BCL7C: variants seen among roughly 807,000 people sequenced by gnomAD.
BCL7C encodes the protein B-cell CLL/lymphoma 7 protein family member C.
In BCL7C, 8 loss-of-function variants were observed where a neutral mutation model predicts 26.2. The ratio of observed to expected loss-of-function variants is 0.30; its 90% CI spans 0.18 to 0.55. The LOEUF is 0.55. Among genes scored for constraint, BCL7C ranks in the 20% least tolerant of loss-of-function variants. The probability of loss-of-function intolerance (pLI) is 0.93; values close to 1 mark genes in which losing one functional copy is unlikely to be tolerated. For missense variants in BCL7C, 262 were observed against 298.5 expected (o/e 0.88, Z 0.90); for synonymous variants, 90 against 116.5 (o/e 0.77, Z 1.47).
At chr16:30,879,689 C>CCAAAAAAAAAAAAAA (rs2055008131) in intron 5 of BCL7C, among the ~76,000 whole-genome samples, 1 of 29,406 alleles carries the variant, frequency 3.4e-5, no homozygotes, top group Non-Finnish European at 5.9e-5. Flanking sequence ...CCCTTCTCTA[C>CCAAAAAAAAAAAAAA]AAAAAAAAAA....
exon 6 of BCL7C, chr16:30,835,072 G>C (rs902043245): frequency 6.5e-7 from 1 of 1,547,950 alleles, no homozygotes; most frequent in Non-Finnish European, 8.7e-7. Context: ...GCCCCTCCTG[G>C]GCAGGAGCCT....
intron 5 of BCL7C, among the ~76,000 whole-genome samples, chr16:30,858,589 C>A (rs2054744002): frequency 6.6e-6 from 1 of 152,176 alleles, no homozygotes; most frequent in African/African-American, 2.4e-5. Context: ...CCTGTGGTTA[C>A]TTCCTCAATG....
At chr16:30,858,033 C>A (rs1040215021) in intron 5 of BCL7C, among the ~76,000 whole-genome samples, 1 of 151,450 alleles carries the variant, frequency 6.6e-6, no homozygotes, top group Non-Finnish European at 1.5e-5. Flanking sequence ...TAATAGCTAG[C>A]CTTTGGTTAA....
chr16:30,890,152 T>C (rs2055203754), intron 4 of BCL7C, among the ~76,000 whole-genome samples: 2 of 151,410 alleles, frequency 1.3e-5, no homozygotes, highest in Non-Finnish European at 2.9e-5. Context: ...TCCCAGCACT[T>C]TGGGAGGCCG....
intron 5 of BCL7C, among the ~76,000 whole-genome samples, chr16:30,835,976 G>T (rs1190125684): frequency 6.6e-6 from 1 of 151,992 alleles, no homozygotes; most frequent in Non-Finnish European, 1.5e-5. Context: ...CCTGGGGCCA[G>T]GCGTGGTGGC....
chr16:30,871,612 G>A (rs1181111570), intron 5 of BCL7C, among the ~76,000 whole-genome samples: 2 of 151,948 alleles, frequency 1.3e-5, no homozygotes, highest in African/African-American at 2.4e-5. Flanking sequence ...AGCCTCCTGA[G>A]TAGCTGGGAC....
chr16:30,848,592 G>C (rs538726694), intron 5 of BCL7C, among the ~76,000 whole-genome samples: 1 of 152,112 alleles, frequency 6.6e-6, no homozygotes, highest in African/African-American at 2.4e-5. Flanking sequence ...ATCCATTATT[G>C]AAAGTAGGGT....
At chr16:30,864,261 A>C (rs185164927) in intron 5 of BCL7C, among the ~76,000 whole-genome samples, 62 of 152,354 alleles carry the variant, frequency 4.1e-4, no homozygotes, top group Admixed American at 1.5e-3. Context: ...AAAACTCGCC[A>C]ACCAAGCAAA....
chr16:30,834,642 T>G lies in BCL7C; in HGVS notation c.*306A>C. 1 of 227,430 alleles carries G rather than the reference T, an allele frequency of 4.4e-6. No homozygotes were observed. Among genetic ancestry groups the G allele is most frequent in the Non-Finnish European group, 8.6e-6 (1 of 116,344 alleles). 14.1% of individuals were successfully genotyped at this position (227,430 alleles called of 1,614,324 possible). ...TCAGACCGCTGGGAGGGTGGCCGCA[T>G]GGGTGCGTGAGGAGGTGGGCGAGGC... On this transcript the variant is annotated 3_prime_UTR_variant, in exon 6 of 6. Coordinates refer to the BCL7C transcript ENST00000380317. The surrounding 1 kb of genome is among the most constrained non-coding windows in gnomAD (Gnocchi z 4.3).
intron 5 of BCL7C, among the ~76,000 whole-genome samples, chr16:30,869,235 G>T (rs994507302): frequency 3.9e-5 from 6 of 152,098 alleles, no homozygotes; most frequent in Non-Finnish European, 7.4e-5. Context: ...TTGCGACAGG[G>T]TCTCACTCTG....
At chr16:30,887,718 C>T (rs1231326262), downstream of BCL7C, 1 of 1,336,940 alleles carries the variant, frequency 7.5e-7, no homozygotes, top group East Asian at 2.6e-5. Flanking sequence ...GTGACCACAT[C>T]TGAGCAATGG....
Position 30,887,836 on chromosome 16 carries a change from TG to T in BCL7C, c.*28del. On this transcript the variant is annotated 3_prime_UTR_variant, in exon 6 of 6. Transcript: ENST00000215115. ...ATTTGTAAAAAGCCAAAGGGGCCCC[TG>T]GGGCAACAGGACAGGCAGGCCGGCT... The T allele has an allele frequency of 6.5e-7, 1 of 1,538,622 alleles. No homozygotes were observed. The highest frequency in any genetic ancestry group is 8.7e-7 in the Non-Finnish European group (1 of 1,149,916).
rs1361778940 is a variant in BCL7C, at chr16:30,887,880, A to G, written c.639T>C (p.Asn213=). Residue 213 remains asparagine (N), a synonymous_variant, in exon 6 of 6, where the codon AAT becomes AAC. Coordinates refer to ENST00000215115, the MANE Select transcript of BCL7C (RefSeq NM_004765.4). ...GAPPLKRICP[N]APDP ...GGCCGGCTTCTCAGGGGTCAGGGGCATTTGGGCAGATGCGCTTGAGTGGGG... is the reference window on the plus strand; with the variant it reads ...GGCCGGCTTCTCAGGGGTCAGGGGCGTTTGGGCAGATGCGCTTGAGTGGGG... 1 of 1,594,650 alleles carries G rather than the reference A, an allele frequency of 6.3e-7. No homozygotes were observed. The highest frequency in any genetic ancestry group is 1.4e-5 in the African/African-American group (1 of 73,524).
At chr16:30,861,778 G>A (rs534935308) in intron 5 of BCL7C, among the ~76,000 whole-genome samples, 10 of 150,906 alleles carry the variant, frequency 6.6e-5, no homozygotes, top group East Asian at 1.9e-4. Context: ...GACTGTTTCC[G>A]TAACTGTTGT....
chr16:30,854,860 C>G (rs567396567), intron 5 of BCL7C, among the ~76,000 whole-genome samples: 1 of 152,042 alleles, frequency 6.6e-6, no homozygotes. Context: ...TGCCAACATG[C>G]CTGGCTAATG....
At chr16:30,855,404 G>A (rs1037766878) in intron 5 of BCL7C, among the ~76,000 whole-genome samples, 3 of 151,754 alleles carry the variant, frequency 2.0e-5, no homozygotes, top group African/African-American at 4.8e-5. Context: ...CACCACACCC[G>A]GCTAATTTTT....
At chr16:30,835,173 G>C (rs1307131055) in intron 5 of BCL7C, 1 of 1,450,442 alleles carries the variant, frequency 6.9e-7, no homozygotes, top group Non-Finnish European at 9.1e-7. Flanking sequence ...GAAGAATCTG[G>C]GTAGTGTTTC....
At chr16:30,848,470 G>A (rs1223796972) in intron 5 of BCL7C, among the ~76,000 whole-genome samples, 1 of 152,188 alleles carries the variant, frequency 6.6e-6, no homozygotes, top group African/African-American at 2.4e-5. Context: ...TAATTTCTTG[G>A]CTTGCAGAGG....
intron 5 of BCL7C, among the ~76,000 whole-genome samples, chr16:30,866,438 G>A (rs763541829): frequency 3.3e-5 from 5 of 151,894 alleles, no homozygotes; most frequent in Admixed American, 6.6e-5. Context: ...TTAGCCAGGC[G>A]TGGTGGCACG....
Sources: allele counts gnomAD v4.1 joint callset (sites outside exome capture counted in the v4.1 genomes callset), GRCh38; gene constraint gnomAD v4.1.1; non-coding constraint Gnocchi (gnomAD v3.1); transcripts MANE v1.5; gene names NCBI Gene and HGNC (gene_info 2026-07-23, HGNC 2026-07-21).